DTWD1: variants seen among roughly 807,000 people sequenced by gnomAD.
DTWD1 encodes the protein DTW motif tRNA-uridine aminocarboxypropyltransferase 1, also known as tRNA-uridine aminocarboxypropyltransferase 1.
DTWD1 carries 27 observed loss-of-function variants against 30.2 expected under a neutral mutation model. That is an observed-to-expected ratio of 0.90 (90% CI 0.66 to 1.23). The LOEUF (loss-of-function observed/expected upper bound fraction) is 1.23. Among genes scored for constraint, DTWD1 ranks in the 50% most tolerant of loss-of-function variants. The probability of loss-of-function intolerance (pLI) is 0.00; values close to 1 mark genes in which losing one functional copy is unlikely to be tolerated. For synonymous variants in DTWD1, 99 were observed against 113.1 expected (o/e 0.88, Z 0.79); for missense variants, 342 against 348.8 (o/e 0.98, Z 0.15).
In DTWD1 at chr15:49,625,175, T is replaced by A. The variant is rs776080248; in HGVS notation, c.8T>A (p.Leu3His). 9 of 1,612,744 alleles carry A rather than the reference T, an allele frequency of 5.6e-6. No individual in the cohort carries two copies. The Middle Eastern group carries it at 6.6e-4, about 118-fold the overall frequency. Reference sequence around the variant, plus strand: ...CTTTGGTTTGAATGAAGAATGTCTCTCAATCCACCTATATTTCTCAAACGA... The same window carrying A: ...CTTTGGTTTGAATGAAGAATGTCTCACAATCCACCTATATTTCTCAAACGA... MS[L>H]NPPIFLKRSE... Residue 3 changes from leucine to histidine, a missense_variant, in exon 2 of 5, where the codon CTC becomes CAC. Physicochemically the swap from Leu to His is moderately conservative, Grantham distance 99. Coordinates refer to ENST00000403028, the MANE Select transcript of DTWD1 (RefSeq NM_001144955.2).
intron 4 of DTWD1, among the ~76,000 whole-genome samples, chr15:49,635,787 C>T (rs139225585): frequency 1.6e-4 from 25 of 152,296 alleles, no homozygotes; most frequent in South Asian, 4.1e-4. Context: ...AGCCACCACG[C>T]GCAGCCTTCC....
intron 2 of DTWD1, chr15:49,630,744 G>A (rs73406056): frequency 0.057 from 9,206 of 160,630 alleles, 708 homozygotes; most frequent in African/African-American, 0.18. Context: ...CCACAGACCA[G>A]TACCGGTCCT....
intron 2 of DTWD1, chr15:49,626,967 G>A (rs189120115): frequency 5.9e-5 from 14 of 238,480 alleles, no homozygotes; most frequent in Admixed American, 3.0e-4. Context: ...TGAAGTATAC[G>A]TAGAATTATT....
rs2079118804 is a variant in DTWD1, at chr15:49,646,381, TCTTGACCA to T, written c.*2808_*2815del. 6.6e-6 allele frequency: 1 copy of T among 152,202 alleles called. No individual in the cohort carries two copies. The highest frequency in any genetic ancestry group is 2.1e-4 in the South Asian group (1 of 4,834). 9.4% of individuals were successfully genotyped at this position (152,202 alleles called of 1,614,324 possible). A position where few individuals can be genotyped will look rare whatever the true frequency, so the allele number is the denominator to read the frequency against. On this transcript the variant is annotated 3_prime_UTR_variant, in exon 5 of 5. Transcript: ENST00000403028. ...ATTCTCAGTCTCATGTTTCTTGGGC[TCTTGACCA>T]CTTGCTTTGCCTTAGCTACCACCTC...
intron 4 of DTWD1, among the ~76,000 whole-genome samples, 184 bp from the exon 5 acceptor site, chr15:49,643,147 C>A (rs966140116): frequency 1.3e-5 from 2 of 151,664 alleles, no homozygotes; most frequent in African/African-American, 4.8e-5. Flanking sequence ...TCTGTATATA[C>A]CTTGAGGTGT....
chr15:49,621,332 T>C (rs1318114155), intron 1 of DTWD1: 1 of 152,182 alleles, frequency 6.6e-6, no homozygotes, highest in Non-Finnish European at 1.5e-5. Context: ...GGAAAAAGGT[T>C]TCCAAATTTT....
intron 4 of DTWD1, among the ~76,000 whole-genome samples, chr15:49,640,719 G>A (rs532107694): frequency 1.1e-3 from 164 of 151,734 alleles, no homozygotes; most frequent in Middle Eastern, 6.8e-3. Flanking sequence ...GGCCATATAC[G>A]TGTCCTATTC....
chr15:49,627,167 C>A (rs765067548), intron 2 of DTWD1, among the ~76,000 whole-genome samples: 1 of 151,786 alleles, frequency 6.6e-6, no homozygotes, highest in Non-Finnish European at 1.5e-5. Flanking sequence ...TAATATACAC[C>A]ATTTAATAGA....
At chr15:49,631,493 G>A (rs1476652599) in intron 2 of DTWD1, among the ~76,000 whole-genome samples, 1 of 152,122 alleles carries the variant, frequency 6.6e-6, no homozygotes, top group African/African-American at 2.4e-5. Flanking sequence ...GGCCAGGTGT[G>A]GTGGCTCACT....
intron 1 of DTWD1, chr15:49,623,925 C>T (rs2078804041): frequency 6.6e-6 from 1 of 152,094 alleles, no homozygotes; most frequent in South Asian, 2.1e-4. Flanking sequence ...AATCAGTACA[C>T]AGCAAAAATA....
Position 49,647,433 on chromosome 15 carries a change from C to T in DTWD1, c.*3855C>T, listed in dbSNP as rs141295162. ...CCATACCCATTGCCTTAATTTTGAG[C>T]TTGTCTGTTTCTTACATTTCTCATT... On this transcript the variant is annotated 3_prime_UTR_variant, in exon 5 of 5. Coordinates refer to ENST00000403028, the MANE Select transcript of DTWD1 (RefSeq NM_001144955.2). 5 of 152,218 alleles carry T rather than the reference C, an allele frequency of 3.3e-5. No individual in the cohort carries two copies. The highest frequency in any genetic ancestry group is 1.2e-4 in the African/African-American group (5 of 41,558). The allele number at this position is 152,218 out of a possible 1,614,324, so 9.4% of individuals were successfully genotyped here.
At chr15:49,623,253 A>C (rs762852128) in intron 1 of DTWD1, among the ~76,000 whole-genome samples, 2 of 152,206 alleles carry the variant, frequency 1.3e-5, no homozygotes, top group African/African-American at 2.4e-5. Flanking sequence ...CCATCATCTG[A>C]ATAACTCAGG....
At position 49,634,585 on chromosome 15, in the gene DTWD1, C is replaced by A. The variant is rs764011116; in HGVS notation, c.458C>A (p.Ser153Tyr). Residue 153 changes from serine to tyrosine, a missense_variant, in exon 4 of 5, where the codon TCT (serine) becomes TAT (tyrosine). Transcript: ENST00000403028. ...GPQSISIKDI[S>Y]FHLQKRIQNN... ...CAGTCTATCTCAATAAAAGATATTT[C>A]TTTTCATCTGCAAAAAAGGATTCAA... The A allele has an allele frequency of 6.2e-6, 10 of 1,613,324 alleles. 1 individual carries two copies. Among genetic ancestry groups the A allele is most frequent in the Middle Eastern group, 3.3e-4 (2 of 6,052 alleles).
At chr15:49,627,891 C>A (rs370336899) in intron 2 of DTWD1, among the ~76,000 whole-genome samples, 120 of 152,046 alleles carry the variant, frequency 7.9e-4, no homozygotes, top group Non-Finnish European at 1.4e-3. Context: ...ACTTAGGGTA[C>A]ACTACATTTA....
rs1484523970 is a variant in DTWD1, at chr15:49,652,508, T to G, written c.*8930T>G. ...GCCTCTCAAGGAATGTGGGTCTGAA[T>G]TATACCAGATAAACCACCAGGAGCA... On this transcript the variant is annotated 3_prime_UTR_variant, in exon 5 of 5. Transcript: ENST00000403028. 6.9e-6 allele frequency: 1 copy of G among 144,444 alleles called. No homozygotes were observed. Among genetic ancestry groups the G allele is most frequent in the Non-Finnish European group, 1.5e-5 (1 of 67,436 alleles). The allele number at this position is 144,444 out of a possible 1,614,324, so 8.9% of individuals were successfully genotyped here.
chr15:49,625,338 A>G lies in DTWD1; in HGVS notation c.171A>G (p.Lys57=), dbSNP rs1393177205. The G allele has an allele frequency of 1.2e-5, 20 of 1,613,566 alleles. No individual in the cohort carries two copies. Among genetic ancestry groups the G allele is most frequent in the Non-Finnish European group, 1.5e-5 (18 of 1,179,772 alleles). ...AAGCTCAGCAAAGTGGGAGATCAAA[A>G]TGTCTCAAATGTGGTGGTTCCAGAA... The part of the protein sequence containing the change: ...LQKAQQSGRS[K]CLKCGGSRMF... The change falls in exon 2 of 5, where the codon AAA becomes AAG. Residue 57 remains lysine (K), a synonymous_variant. Coordinates refer to ENST00000403028, the MANE Select transcript of DTWD1 (RefSeq NM_001144955.2).
In DTWD1 at chr15:49,654,822, C is replaced by T. The variant is rs2079169876; in HGVS notation, c.*11244C>T. 6.6e-6 allele frequency: 1 copy of T among 152,036 alleles called. No homozygotes were observed. The highest frequency in any genetic ancestry group is 2.4e-5 in the African/African-American group (1 of 41,414). 9.4% of individuals were successfully genotyped at this position (152,036 alleles called of 1,614,324 possible). A position where few individuals can be genotyped will look rare whatever the true frequency, so the allele number is the denominator to read the frequency against. On this transcript the variant is annotated 3_prime_UTR_variant, in exon 5 of 5. Transcript: ENST00000403028. Reference sequence around the variant, plus strand: ...AATATCATAGATTGAGTGACTTAAACAACAGAAATTTATATCTTACATTTC... The same window carrying T: ...AATATCATAGATTGAGTGACTTAAATAACAGAAATTTATATCTTACATTTC...
intron 2 of DTWD1, among the ~76,000 whole-genome samples, chr15:49,626,196 G>A (rs2078842358): frequency 6.6e-6 from 1 of 152,004 alleles, no homozygotes; most frequent in African/African-American, 2.4e-5. Context: ...ACACCCTGAA[G>A]GAGCTCCAAA....
In DTWD1 at chr15:49,634,732, T is replaced by A; in HGVS notation, c.605T>A (p.Ile202Asn). ...SKCKGTTLKKIIFIDSTWNQT... is the reference protein window; with the variant it reads ...SKCKGTTLKKNIFIDSTWNQT... Reference sequence around the variant, plus strand: ...TGCAAAGGCACAACACTGAAAAAAATTATATTTATAGATAGCACCTGGAAC... The same window carrying A: ...TGCAAAGGCACAACACTGAAAAAAAATATATTTATAGATAGCACCTGGAAC... The change falls in exon 4 of 5, where the codon ATT (isoleucine) becomes AAT (asparagine). Residue 202 changes from isoleucine to asparagine, a missense_variant. Coordinates refer to ENST00000403028, the MANE Select transcript of DTWD1 (RefSeq NM_001144955.2). The A allele has an allele frequency of 6.2e-7, 1 of 1,607,990 alleles. No homozygotes were observed. Among genetic ancestry groups the A allele is most frequent in the Non-Finnish European group, 8.5e-7 (1 of 1,177,088 alleles).
Sources: allele counts gnomAD v4.1 joint callset (sites outside exome capture counted in the v4.1 genomes callset), GRCh38; gene constraint gnomAD v4.1.1; transcripts MANE v1.5; gene names NCBI Gene and HGNC (gene_info 2026-07-23, HGNC 2026-07-21).